The following TARM1 variants were observed in gnomAD, a reference collection of about 807,000 sequenced individuals.
TARM1 encodes T-cell-interacting, activating receptor on myeloid cells protein 1.
In TARM1, 24 loss-of-function variants were observed where a neutral mutation model predicts 30.4. The observed-to-expected ratio is 0.79, with a 90% CI of 0.57 to 1.11. The LOEUF (loss-of-function observed/expected upper bound fraction) is 1.11. Ranked by LOEUF, TARM1 falls within the 50% of genes least tolerant of loss-of-function variation. The pLI, the probability that TARM1 is intolerant of heterozygous loss-of-function variation, is 0.00. For synonymous variants in TARM1, 129 were observed against 138.9 expected (o/e 0.93, Z 0.50); for missense variants, 323 against 332.8 (o/e 0.97, Z 0.23).
In TARM1 at chr19:54,076,402, G is replaced by A. The variant is rs1304473850; in HGVS notation, c.35-484C>T. 16 of 493,632 alleles carry A rather than the reference G, an allele frequency of 3.2e-5. No individual in the cohort carries two copies. In the East Asian group the frequency reaches 4.1e-4, roughly 13 times the overall value. 30.6% of individuals were successfully genotyped at this position (493,632 alleles called of 1,614,324 possible). ...TCCAGAGACAGAGTTGCGCTCTGTC[G>A]CCCAGGCTGGAGTAGAGTGACGCAA... On this transcript the variant is annotated intron_variant, in intron 1 of 4. Transcript: ENST00000432826.
chr19:54,074,217 C>G lies in TARM1; in HGVS notation c.362-1G>C, dbSNP rs1333797675. On this transcript the variant is annotated splice_acceptor_variant, in intron 3 of 4. Coordinates refer to ENST00000432826, the MANE Select transcript of TARM1 (RefSeq NM_001135686.3). LOFTEE classifies it high-confidence loss of function. ...CGGAGGAAAGGTTTAGATAAATGTC[C>G]TGTAAGAGAAGTCAGGTTCTGAGGT... The G allele has an allele frequency of 2.6e-6, 4 of 1,548,648 alleles. No homozygotes were observed. Among genetic ancestry groups the G allele is most frequent in the Non-Finnish European group, 3.5e-6 (4 of 1,144,582 alleles).
rs1206678514 is a variant in TARM1 at position 54,074,246 on chromosome 19, G to T, written c.362-30C>A. 15 of 1,538,846 alleles carry T rather than the reference G, an allele frequency of 9.7e-6. No individual in the cohort carries two copies. The African/African-American group carries it at 1.9e-4, about 20-fold the overall frequency. On this transcript the variant is annotated intron_variant, in intron 3 of 4. Transcript: ENST00000432826. ...AAGAGAAGTCAGGTTCTGAGGTCCTGGGGAGAAGTCTGGAATCCCCCACTC... is the reference window on the plus strand; with the variant it reads ...AAGAGAAGTCAGGTTCTGAGGTCCTTGGGAGAAGTCTGGAATCCCCCACTC...
chr19:54,076,153 C>A, intron 1 of TARM1: 1 of 1,490,344 alleles, frequency 6.7e-7, no homozygotes, highest in Admixed American at 2.4e-5. Context: ...CCTCCCCCTG[C>A]TCCAGGCCTT....
intron 1 of TARM1, among the ~76,000 whole-genome samples, chr19:54,078,184 T>C (rs1402610083): frequency 1.3e-4 from 17 of 126,882 alleles, no homozygotes; most frequent in South Asian, 5.5e-4. Context: ...CTTTCTTTTT[T>C]TTTTTTTTTT....
At position 54,074,104 on chromosome 19, in the gene TARM1, G is replaced by T. The variant is rs587599998; in HGVS notation, c.474C>A (p.Phe158Leu). The T allele has an allele frequency of 6.4e-7, 1 of 1,551,584 alleles. No homozygotes were observed. The highest frequency in any genetic ancestry group is 2.0e-5 in the Admixed American group (1 of 50,968). ...ATGGCGTCCCTGCCTTCAGTAGAGC[G>T]AACATGATAGGCACAAACAATTGGT... ...KRDQLFVPIMFALLKAGTPSP... is the reference protein window; with the variant it reads ...KRDQLFVPIMLALLKAGTPSP... The change falls in exon 4 of 5, where the codon TTC (phenylalanine) becomes TTA (leucine). Residue 158 changes from phenylalanine to leucine, a missense_variant. Phe to Leu is a conservative substitution (Grantham distance 22, BLOSUM62 0). Transcript: ENST00000432826.
intron 3 of TARM1, 132 bp downstream of exon 3, chr19:54,074,692 C>T (rs1458422545): frequency 1.4e-5 from 14 of 972,114 alleles, no homozygotes; most frequent in African/African-American, 8.2e-5. Context: ...TATGCAATTT[C>T]GTTCCTGTCT....
At chr19:54,077,739 G>A (rs1428642808) in intron 1 of TARM1, among the ~76,000 whole-genome samples, 1 of 117,634 alleles carries the variant, frequency 8.5e-6, no homozygotes, top group Admixed American at 9.2e-5. Flanking sequence ...CTTTTTCTTC[G>A]TTTTTTTTTT....
intron 1 of TARM1, among the ~76,000 whole-genome samples, chr19:54,080,493 AG>A (rs1257181345): frequency 1.2e-5 from 1 of 84,994 alleles, no homozygotes; most frequent in Non-Finnish European, 2.3e-5. Context: ...AGAGGAAGGA[AG>A]GGAGGAAGGA....
Position 54,081,334 on chromosome 19 carries a change from G to A in TARM1, c.7C>T (p.Pro3Ser), listed in dbSNP as rs1235224152. The A allele has an allele frequency of 2.6e-6, 4 of 1,542,868 alleles. No individual in the cohort carries two copies. The highest frequency in any genetic ancestry group is 3.5e-6 in the Non-Finnish European group (4 of 1,143,766). The part of the protein sequence containing the change: MI[P>S]KLLSLLCFRL... ...AAACAGAGGAGGGAAAGCAGCTTAG[G>A]GATCATGATGGCTCCTTAGCCCTCC... Residue 3 changes from proline to serine, a missense_variant, in exon 1 of 5, where the codon CCT (proline) becomes TCT (serine). Coordinates refer to ENST00000432826, the MANE Select transcript of TARM1 (RefSeq NM_001135686.3).
At chr19:54,071,248 G>A (rs1212791814) in intron 4 of TARM1, among the ~76,000 whole-genome samples, 2 of 152,024 alleles carry the variant, frequency 1.3e-5, no homozygotes, top group African/African-American at 4.8e-5. Flanking sequence ...CTGAGCCACC[G>A]CGCCCGGCCA....
intron 1 of TARM1, among the ~76,000 whole-genome samples, chr19:54,077,392 A>G (rs2071983817): frequency 1.3e-5 from 2 of 152,236 alleles, no homozygotes; most frequent in South Asian, 4.2e-4. Flanking sequence ...AAAGAAAAAA[A>G]AAAGAGAAAG....
Position 54,081,301 on chromosome 19 carries a change from A to T in TARM1, c.34+6T>A, listed in dbSNP as rs1253249428. On this transcript the variant is annotated splice_donor_region_variant and intron_variant, in intron 1 of 4. Transcript: ENST00000432826. ...CAGTCCCAGTGGATAGCCCTGTGAG[A>T]CTTACTGAAACAGAGGAGGGAAAGC... 1.9e-6 allele frequency: 3 copies of T among 1,548,746 alleles called. No homozygotes were observed. In the African/African-American group the frequency reaches 4.1e-5, roughly 21 times the overall value.
At chr19:54,076,843 A>G (rs1346112313) in intron 1 of TARM1, among the ~76,000 whole-genome samples, 1 of 151,472 alleles carries the variant, frequency 6.6e-6, no homozygotes, top group Non-Finnish European at 1.5e-5. Flanking sequence ...ACACCCGGCT[A>G]ATTTTTTAGT....
chr19:54,070,690 A>G lies in TARM1; in HGVS notation c.659-530T>C, dbSNP rs145347491. ...TGTAATGGCACAATCTCAGCTCACT[A>G]CAACCTCTGCCTCCCGGGTTCAAGT... is the stretch of plus-strand genomic sequence containing the variant. On this transcript the variant is annotated intron_variant, in intron 4 of 4. Transcript: ENST00000432826. Among the ~76,000 whole-genome samples, 589 of 151,644 alleles carry G rather than the reference A, an allele frequency of 3.9e-3. 5 individuals carry two copies. Among genetic ancestry groups the G allele is most frequent in the African/African-American group, 0.014 (568 of 41,336 alleles).
rs2071953663 is a variant in TARM1 at position 54,076,333 on chromosome 19, T to TC, written c.35-416dup. On this transcript the variant is annotated intron_variant, in intron 1 of 4. Transcript: ENST00000432826. Reference sequence around the variant, plus strand: ...GTCTCGCTCTTTCTTTCTTTTTCTTTCTTTCTTTCTTTCTTTCATTCATTC... The same window carrying TC: ...GTCTCGCTCTTTCTTTCTTTTTCTTTCCTTTCTTTCTTTCTTTCATTCATTC... 2.0e-5 allele frequency: 16 copies of TC among 809,996 alleles called. No homozygotes were observed. In the South Asian group the frequency reaches 2.6e-4, roughly 13 times the overall value. The allele number at this position is 809,996 out of a possible 1,614,324, so 50.2% of individuals were successfully genotyped here.
intron 1 of TARM1, among the ~76,000 whole-genome samples, chr19:54,077,308 A>C (rs1250285202): frequency 2.0e-5 from 3 of 151,922 alleles, no homozygotes; most frequent in Non-Finnish European, 4.4e-5. Flanking sequence ...TGAACCCAGG[A>C]GGCAGAGTTT....
intron 1 of TARM1, among the ~76,000 whole-genome samples, chr19:54,080,811 A>G (rs2072111788): frequency 6.6e-6 from 1 of 151,796 alleles, no homozygotes; most frequent in Non-Finnish European, 1.5e-5. Flanking sequence ...CGTCTCTACT[A>G]AAAATACAAA....
intron 4 of TARM1, among the ~76,000 whole-genome samples, chr19:54,073,500 T>C (rs1463295752): frequency 5.3e-5 from 8 of 151,588 alleles, no homozygotes; most frequent in African/African-American, 1.9e-4. Context: ...TTGTTTTTTG[T>C]TTTTTGTTTT....
rs1432184090 is a variant in TARM1 at position 54,076,167 on chromosome 19, C to T, written c.35-249G>A. On this transcript the variant is annotated intron_variant, in intron 1 of 4. Transcript: ENST00000432826. Reference sequence around the variant, plus strand: ...ACCTCCCCCTGCTCCAGGCCTTTCCCACAAATCCTTCCATTCTCATCTTCT... The same window carrying T: ...ACCTCCCCCTGCTCCAGGCCTTTCCTACAAATCCTTCCATTCTCATCTTCT... 9 of 1,495,422 alleles carry T rather than the reference C, an allele frequency of 6.0e-6. No individual in the cohort carries two copies. In the East Asian group the frequency reaches 2.0e-4, roughly 33 times the overall value. 92.6% of individuals were successfully genotyped at this position (1,495,422 alleles called of 1,614,324 possible). A position where few individuals can be genotyped will look rare whatever the true frequency, so the allele number is the denominator to read the frequency against.
Sources: gnomAD v4.1 joint callset for allele counts (sites outside exome capture counted in the v4.1 genomes callset) on GRCh38, gnomAD v4.1.1 for gene constraint, MANE v1.5 for transcripts, NCBI Gene and HGNC (gene_info 2026-07-23, HGNC 2026-07-21) for gene names.